Variants in ROR1 observed in about 807,000 individuals in gnomAD.
ROR1 encodes ROR family WNT receptor 1, also known as inactive tyrosine-protein kinase transmembrane receptor ROR1.
A neutral mutation model predicts 78.8 loss-of-function variants in ROR1; 19 were observed. The ratio of observed to expected loss-of-function variants is 0.24; its 90% CI spans 0.17 to 0.35. The LOEUF (loss-of-function observed/expected upper bound fraction) is 0.35, where lower values mean the gene tolerates loss of function less well. Among genes scored for constraint, ROR1 ranks in the 10% least tolerant of loss-of-function variants. The pLI is 1.00. For missense variants in ROR1, 917 were observed against 1,177.8 expected, an observed-to-expected ratio of 0.78 and a Z score of 3.24; for synonymous variants, 386 against 433.6, an observed-to-expected ratio of 0.89 and a Z score of 1.36.
At chr1:63,846,699 G>C (rs1210591524) in intron 1 of ROR1, among the ~76,000 whole-genome samples, 1 of 152,198 alleles carries the variant, frequency 6.6e-6, no homozygotes, top group Non-Finnish European at 1.5e-5. Flanking sequence ...TGCGCGGCTT[G>C]ATACTTGAGG....
chr1:64,148,331 A>T (rs1334621965), intron 7 of ROR1, among the ~76,000 whole-genome samples: 1 of 152,146 alleles, frequency 6.6e-6, no homozygotes, highest in Non-Finnish European at 1.5e-5. Flanking sequence ...TATGTTGTGT[A>T]TGTGTTTTTG....
chr1:63,789,275 A>G (rs1337338524), intron 1 of ROR1: 2 of 556,670 alleles, frequency 3.6e-6, no homozygotes, highest in East Asian at 4.1e-5. Context: ...CCCTAGAGGC[A>G]AGCCTCTTCT....
intron 1 of ROR1, among the ~76,000 whole-genome samples, chr1:63,911,314 A>G (rs1645568058): frequency 6.6e-6 from 1 of 152,134 alleles, no homozygotes; most frequent in South Asian, 2.1e-4. Context: ...GGGCATTAGA[A>G]TGATACTCTA....
chr1:63,789,080 G>T, intron 1 of ROR1: 1 of 619,310 alleles, frequency 1.6e-6, no homozygotes. Flanking sequence ...CTATGCCCAT[G>T]TGCCTGCCCT....
chr1:64,000,843 C>A (rs567878876), intron 1 of ROR1, among the ~76,000 whole-genome samples: 1 of 152,336 alleles, frequency 6.6e-6, no homozygotes, highest in African/African-American at 2.4e-5. Flanking sequence ...GTCTTAGAAC[C>A]CTGTGCCTAC....
chr1:63,891,797 C>G (rs535585425), intron 1 of ROR1, among the ~76,000 whole-genome samples: 1 of 152,070 alleles, frequency 6.6e-6, no homozygotes, highest in Non-Finnish European at 1.5e-5. Context: ...GGCCTTTGGA[C>G]GCTGGGACTT....
At chr1:63,903,171 G>A (rs1645499687) in intron 1 of ROR1, among the ~76,000 whole-genome samples, 1 of 152,178 alleles carries the variant, frequency 6.6e-6, no homozygotes, top group Non-Finnish European at 1.5e-5. Flanking sequence ...GGAGGGGCTG[G>A]ATATCAGGTA....
chr1:64,117,003 C>T (rs1183320664), intron 4 of ROR1, among the ~76,000 whole-genome samples: 1 of 152,146 alleles, frequency 6.6e-6, no homozygotes, highest in Non-Finnish European at 1.5e-5. Flanking sequence ...CAAGTCTAAC[C>T]TGCCTTTTGA....
chr1:63,899,990 C>T (rs937085096), intron 1 of ROR1, among the ~76,000 whole-genome samples: 6 of 151,904 alleles, frequency 3.9e-5, no homozygotes, highest in African/African-American at 1.5e-4. Flanking sequence ...GTTATTTCTC[C>T]CTCTAGATTC....
At chr1:64,023,835 G>C (rs147551340) in intron 2 of ROR1, among the ~76,000 whole-genome samples, 1 of 152,194 alleles carries the variant, frequency 6.6e-6, no homozygotes, top group East Asian at 1.9e-4. Context: ...TTGGCTCTGT[G>C]TCCCCACCCA....
chr1:64,001,472 T>C (rs1244801440), intron 1 of ROR1, among the ~76,000 whole-genome samples: 1 of 152,214 alleles, frequency 6.6e-6, no homozygotes, highest in Non-Finnish European at 1.5e-5. Flanking sequence ...CAGAACTATA[T>C]ATACATATTT....
chr1:63,968,398 A>G (rs901749861), intron 1 of ROR1, among the ~76,000 whole-genome samples: 3 of 149,438 alleles, frequency 2.0e-5, no homozygotes, highest in Non-Finnish European at 4.4e-5. Context: ...AAATAACCCC[A>G]AATGATAATG....
intron 4 of ROR1, chr1:64,105,674 G>A (rs765094401): frequency 5.9e-5 from 9 of 152,136 alleles, no homozygotes; most frequent in African/African-American, 9.6e-5. Context: ...TTTTCTGCAC[G>A]TGGCTAGACA....
At chr1:63,976,973 C>A (rs1320795414) in intron 1 of ROR1, among the ~76,000 whole-genome samples, 3 of 152,178 alleles carry the variant, frequency 2.0e-5, no homozygotes, top group Non-Finnish European at 4.4e-5. Context: ...TTCCGCATAT[C>A]TGGGGAAGCC....
intron 1 of ROR1, among the ~76,000 whole-genome samples, chr1:63,966,038 T>TC (rs1359324638): frequency 6.6e-6 from 1 of 152,214 alleles, no homozygotes; most frequent in African/African-American, 2.4e-5. Context: ...GAGGATTAAA[T>TC]CCGATGTTAG....
Position 64,050,717 on chromosome 1 carries a change from G to A in ROR1, c.482+1G>A, listed in dbSNP as rs778210990. The A allele has an allele frequency of 3.1e-6, 5 of 1,613,420 alleles. No homozygotes were observed. Among genetic ancestry groups the A allele is most frequent in the Non-Finnish European group, 4.2e-6 (5 of 1,179,594 alleles). ...CTCCCACTGCAAGTCCAGGATACTCGTAAGTACTTTTATCTCCTTTCTTGT... is the reference window on the plus strand; with the variant it reads ...CTCCCACTGCAAGTCCAGGATACTCATAAGTACTTTTATCTCCTTTCTTGT... On this transcript the variant is annotated splice_donor_variant, in intron 4 of 8. Coordinates refer to ENST00000371079, the MANE Select transcript of ROR1 (RefSeq NM_005012.4). LOFTEE classifies it high-confidence loss of function.
chr1:63,982,128 A>G (rs950724186), intron 1 of ROR1, among the ~76,000 whole-genome samples: 5 of 152,252 alleles, frequency 3.3e-5, no homozygotes, highest in Admixed American at 6.5e-5. Flanking sequence ...ATTATCCCCA[A>G]TTGGCAGATG....
intron 1 of ROR1, among the ~76,000 whole-genome samples, chr1:63,913,896 C>T (rs1645589847): frequency 6.6e-6 from 1 of 152,162 alleles, no homozygotes; most frequent in African/African-American, 2.4e-5. Flanking sequence ...GCCGTCCTCA[C>T]ACGGTGGCTC....
chr1:63,842,455 T>C (rs1044600314), intron 1 of ROR1, among the ~76,000 whole-genome samples: 2 of 152,194 alleles, frequency 1.3e-5, no homozygotes, highest in Non-Finnish European at 2.9e-5. Context: ...AGAGAAACTC[T>C]GAACTTAGGG....
Sources: gnomAD v4.1 joint callset for allele counts (sites outside exome capture counted in the v4.1 genomes callset) on GRCh38, gnomAD v4.1.1 for gene constraint, MANE v1.5 for transcripts, NCBI Gene and HGNC (gene_info 2026-07-23, HGNC 2026-07-21) for gene names.